The following DCPS variants were observed in gnomAD, a reference collection of about 807,000 sequenced individuals.
DCPS encodes the protein decapping enzyme, scavenger.
DCPS carries 27 observed loss-of-function variants against 34.7 expected under a neutral mutation model. That is an observed-to-expected ratio of 0.78 (90% CI 0.57 to 1.07). The LOEUF is 1.07. Ranked by LOEUF, DCPS falls within the 50% of genes least tolerant of loss-of-function variation. The pLI, the probability that DCPS is intolerant of heterozygous loss-of-function variation, is 0.00. For synonymous variants in DCPS, 185 were observed against 185.7 expected, an observed-to-expected ratio of 1.00 and a Z score of 0.03; for missense variants, 464 against 436.9, an observed-to-expected ratio of 1.06 and a Z score of -0.55.
rs1951855921 is a variant in DCPS at position 126,338,933 on chromosome 11, T to C, written c.636+534T>C. Among the ~76,000 whole-genome samples, 2 of 152,334 alleles carry C rather than the reference T, an allele frequency of 1.3e-5. No homozygotes were observed. The highest frequency in any genetic ancestry group is 3.4e-3 in the Middle Eastern group (1 of 294). On this transcript the variant is annotated intron_variant, in intron 4 of 5. Transcript: ENST00000263579. This position sits in a 1 kb window ranked among gnomAD's most constrained non-coding sequence, Gnocchi z 5.4. ...TGCCTCCAAGCACCTCTGCTTCTCC[T>C]ACTTTCCTAAGGAGCAGGTTTGGGA...
rs1212220451 is a variant in DCPS, at chr11:126,347,803, C to T, written c.*2190C>T. ...CCCTGCGTCTCAGTTGTGCCCATTCCAGGTCCAGGGGAAAGAAGTGACCCG... is the reference window on the plus strand; with the variant it reads ...CCCTGCGTCTCAGTTGTGCCCATTCTAGGTCCAGGGGAAAGAAGTGACCCG... On this transcript the variant is annotated 3_prime_UTR_variant, in exon 6 of 6. Transcript: ENST00000263579. This position sits in a 1 kb window ranked among gnomAD's most constrained non-coding sequence, Gnocchi z 4.2. Among the ~76,000 whole-genome samples, 1 of 152,200 alleles carries T rather than the reference C, an allele frequency of 6.6e-6. No homozygotes were observed. Among genetic ancestry groups the T allele is most frequent in the African/African-American group, 2.4e-5 (1 of 41,460 alleles).
At chr11:126,306,508 T>A in intron 1 of DCPS, 62 bp from the exon 2 acceptor site, 1 of 1,464,946 alleles carries the variant, frequency 6.8e-7, no homozygotes, top group Non-Finnish European at 9.1e-7. Flanking sequence ...GCTTCTGTCT[T>A]GCTCTCCAGA....
rs148042649 is a variant in DCPS, at chr11:126,306,698, T to G, written c.330T>G (p.Asn110Lys). ...GSPELQLQFS[N>K]DIYSTYHLFP... ...CTGAGCTCCAGTTGCAGTTCTCCAA[T>G]GATATCTACAGCACCTATCACTTGT... is the stretch of plus-strand genomic sequence containing the variant. The change falls in exon 2 of 6, where the codon AAT becomes AAG. Residue 110 changes from asparagine to lysine, a missense_variant. Physicochemically the swap from Asn to Lys is moderately conservative, Grantham distance 94. Coordinates refer to ENST00000263579, the MANE Select transcript of DCPS (RefSeq NM_014026.6). The G allele has an allele frequency of 1.2e-6, 2 of 1,613,530 alleles. No individual in the cohort carries two copies. The highest frequency in any genetic ancestry group is 1.7e-6 in the Non-Finnish European group (2 of 1,179,520).
At chr11:126,307,152 G>A (rs898455116) in intron 2 of DCPS, among the ~76,000 whole-genome samples, 4 of 151,862 alleles carry the variant, frequency 2.6e-5, no homozygotes, top group Admixed American at 6.6e-5. Context: ...GGCCAACATG[G>A]TGAAACCTCA....
Position 126,304,342 on chromosome 11 carries a change from G to A in DCPS, c.201+61G>A. 27 of 1,594,564 alleles carry A rather than the reference G, an allele frequency of 1.7e-5. No individual in the cohort carries two copies. In the South Asian group the frequency reaches 2.8e-4, roughly 17 times the overall value. On this transcript the variant is annotated intron_variant, in intron 1 of 5. Coordinates refer to ENST00000263579, the MANE Select transcript of DCPS (RefSeq NM_014026.6). ...GCAGTGAACCAATCATCGCCTCGGA[G>A]GCAGATTTTTTTTTTTCGGATCTCG...
At position 126,315,345 on chromosome 11, in the gene DCPS, A is replaced by G. The variant is rs550781825; in HGVS notation, c.376+8601A>G. ...GAGGCCGAGGCAGGTGGATCATTTGAGGTCAGGAGTTCGAGACCAGCCTGG... is the reference window on the plus strand; with the variant it reads ...GAGGCCGAGGCAGGTGGATCATTTGGGGTCAGGAGTTCGAGACCAGCCTGG... On this transcript the variant is annotated intron_variant, in intron 2 of 5. Coordinates refer to ENST00000263579, the MANE Select transcript of DCPS (RefSeq NM_014026.6). The surrounding 1 kb of genome is among the most constrained non-coding windows in gnomAD (Gnocchi z 6.1). Among the ~76,000 whole-genome samples the G allele has an allele frequency of 4.9e-4, 75 of 152,198 alleles. No individual in the cohort carries two copies. Among genetic ancestry groups the G allele is most frequent in the African/African-American group, 1.8e-3 (73 of 41,452 alleles).
chr11:126,340,482 C>T (rs924411195), intron 4 of DCPS, among the ~76,000 whole-genome samples: 1 of 152,176 alleles, frequency 6.6e-6, no homozygotes, highest in Admixed American at 6.5e-5. Context: ...CCACCGCGCC[C>T]GACCTTAATT....
rs1436680088 is a variant in DCPS, at chr11:126,334,331, T to G, written c.522+2781T>G. On this transcript the variant is annotated intron_variant, in intron 3 of 5. Transcript: ENST00000263579. The surrounding 1 kb of genome is among the most constrained non-coding windows in gnomAD (Gnocchi z 5.5). Reference sequence around the variant, plus strand: ...GCATTTATGCGCATCACACCTCATTTATTTATTTATTTATTATTTATTTAT... The same window carrying G: ...GCATTTATGCGCATCACACCTCATTGATTTATTTATTTATTATTTATTTAT... Among the ~76,000 whole-genome samples, 1 of 152,000 alleles carries G rather than the reference T, an allele frequency of 6.6e-6. No homozygotes were observed. The highest frequency in any genetic ancestry group is 1.5e-5 in the Non-Finnish European group (1 of 67,960).
chr11:126,314,860 G>T (rs141642683), intron 2 of DCPS, among the ~76,000 whole-genome samples: 1 of 152,052 alleles, frequency 6.6e-6, no homozygotes, highest in Non-Finnish European at 1.5e-5. Context: ...AGGGATAAAA[G>T]GTTATACATT....
In DCPS at chr11:126,306,720, T is replaced by C. The variant is rs776782460; in HGVS notation, c.352T>C (p.Leu118=). Residue 118 remains leucine, a synonymous_variant, in exon 2 of 6, where the codon TTG becomes CTG. Transcript: ENST00000263579. ...CAATGATATCTACAGCACCTATCAC[T>C]TGTTCCCTCCAAGACAACTGAATGG... ...FSNDIYSTYH[L]FPPRQLNDVK... 1.2e-5 allele frequency: 19 copies of C among 1,601,756 alleles called. No individual in the cohort carries two copies. The highest frequency in any genetic ancestry group is 1.5e-5 in the Non-Finnish European group (18 of 1,169,762).
At position 126,313,710 on chromosome 11, in the gene DCPS, G is replaced by T. The variant is rs1951635800; in HGVS notation, c.376+6966G>T. ...AATGATTAACCCCCAAATCAGGGAG[G>T]TGATTATCCTTGGTCGGGGTGTGGC... On this transcript the variant is annotated intron_variant, in intron 2 of 5. Coordinates refer to ENST00000263579, the MANE Select transcript of DCPS (RefSeq NM_014026.6). This position sits in a 1 kb window ranked among gnomAD's most constrained non-coding sequence, Gnocchi z 4.9. Among the ~76,000 whole-genome samples the T allele has an allele frequency of 6.6e-6, 1 of 152,210 alleles. No individual in the cohort carries two copies. Among genetic ancestry groups the T allele is most frequent in the African/African-American group, 2.4e-5 (1 of 41,446 alleles).
rs1414164711 is a variant in DCPS at position 126,344,416 on chromosome 11, A to G, written c.748-931A>G. On this transcript the variant is annotated intron_variant, in intron 5 of 5. Transcript: ENST00000263579. The surrounding 1 kb of genome is among the most constrained non-coding windows in gnomAD (Gnocchi z 8.1). Reference sequence around the variant, plus strand: ...CTTTCTCTTGGGGAGATGCCAGGCCAACACTTTGACCTGCCCTAGCAGCTC... The same window carrying G: ...CTTTCTCTTGGGGAGATGCCAGGCCGACACTTTGACCTGCCCTAGCAGCTC... Among the ~76,000 whole-genome samples, 1 of 152,194 alleles carries G rather than the reference A, an allele frequency of 6.6e-6. No individual in the cohort carries two copies. Among genetic ancestry groups the G allele is most frequent in the African/African-American group, 2.4e-5 (1 of 41,452 alleles).
intron 4 of DCPS, among the ~76,000 whole-genome samples, chr11:126,343,013 T>C (rs1231153630): frequency 7.1e-6 from 1 of 141,498 alleles, no homozygotes; most frequent in Non-Finnish European, 1.5e-5. Flanking sequence ...GAGGTTGCAG[T>C]GAGCCAAGAT....
Position 126,336,138 on chromosome 11 carries a change from C to T in DCPS, c.523-2148C>T, listed in dbSNP as rs901968829. Among the ~76,000 whole-genome samples, 10 of 145,784 alleles carry T rather than the reference C, an allele frequency of 6.9e-5. No individual in the cohort carries two copies. Among genetic ancestry groups the T allele is most frequent in the Non-Finnish European group, 1.1e-4 (7 of 66,464 alleles). ...CTCAAAAAAAAAAAAAAAAAAATGG[C>T]GACAATGATAGCAGCCACCTCTCAG... is the stretch of plus-strand genomic sequence containing the variant. On this transcript the variant is annotated intron_variant, in intron 3 of 5. Coordinates refer to ENST00000263579, the MANE Select transcript of DCPS (RefSeq NM_014026.6). This position sits in a 1 kb window ranked among gnomAD's most constrained non-coding sequence, Gnocchi z 6.3.
At position 126,331,280 on chromosome 11, in the gene DCPS, C is replaced by G; in HGVS notation, c.377-125C>G. 1 of 1,410,704 alleles carries G rather than the reference C, an allele frequency of 7.1e-7. No homozygotes were observed. Among genetic ancestry groups the G allele is most frequent in the Non-Finnish European group, 9.6e-7 (1 of 1,036,476 alleles). The allele number at this position is 1,410,704 out of a possible 1,614,324, so 87.4% of individuals were successfully genotyped here. A position where few individuals can be genotyped will look rare whatever the true frequency, so the allele number is the denominator to read the frequency against. On this transcript the variant is annotated intron_variant, in intron 2 of 5. Transcript: ENST00000263579. The surrounding 1 kb of genome is among the most constrained non-coding windows in gnomAD (Gnocchi z 7.2). The stretch of plus-strand genomic sequence containing the variant: ...TGGGAGTGGATCTTGGGTGCATGAT[C>G]CTCTTGGATTTTGGCTTCCCTCAGG...
At chr11:126,307,530 C>T (rs1951581849) in intron 2 of DCPS, among the ~76,000 whole-genome samples, 1 of 151,916 alleles carries the variant, frequency 6.6e-6, no homozygotes, top group South Asian at 2.1e-4. Context: ...CCTGCCTCAG[C>T]CTCCCGAGCA....
In DCPS at chr11:126,322,796, G is replaced by T. The variant is rs1360817026; in HGVS notation, c.377-8609G>T. 6.6e-6 allele frequency among the ~76,000 whole-genome samples: 1 copy of T among 152,094 alleles called. No homozygotes were observed. The highest frequency in any genetic ancestry group is 2.4e-5 in the African/African-American group (1 of 41,418). On this transcript the variant is annotated intron_variant, in intron 2 of 5. Transcript: ENST00000263579. This position sits in a 1 kb window ranked among gnomAD's most constrained non-coding sequence, Gnocchi z 4.2. ...TTTAGTAGAGACGGGGTTTCACCAT[G>T]TTGGCCAGTCTATCCTAAAATTCTT...
rs1416603532 is a variant in DCPS at position 126,312,575 on chromosome 11, G to C, written c.376+5831G>C. Among the ~76,000 whole-genome samples the C allele has an allele frequency of 6.6e-6, 1 of 151,962 alleles. No homozygotes were observed. The highest frequency in any genetic ancestry group is 1.5e-5 in the Non-Finnish European group (1 of 68,004). On this transcript the variant is annotated intron_variant, in intron 2 of 5. Transcript: ENST00000263579. The surrounding 1 kb of genome is among the most constrained non-coding windows in gnomAD (Gnocchi z 5.1). ...AGGCTGGTCTCAAACTCCTGATCTC[G>C]GGTGATCCGCCCGCTTTGGCTGCTC...
In DCPS at chr11:126,348,024, TC is replaced by T. The variant is rs1285922427; in HGVS notation, c.*2413del. 6.6e-6 allele frequency among the ~76,000 whole-genome samples: 1 copy of T among 151,188 alleles called. No individual in the cohort carries two copies. Among genetic ancestry groups the T allele is most frequent in the Non-Finnish European group, 1.5e-5 (1 of 67,908 alleles). ...CACGGGCTCCCGCTGACCTTGCCGT[TC>T]CTTCCCCTCATCTCGTAGCGCCTGG... On this transcript the variant is annotated 3_prime_UTR_variant, in exon 6 of 6. Coordinates refer to ENST00000263579, the MANE Select transcript of DCPS (RefSeq NM_014026.6). This position sits in a 1 kb window ranked among gnomAD's most constrained non-coding sequence, Gnocchi z 5.3.
Sources: gnomAD v4.1 joint callset for allele counts (sites outside exome capture counted in the v4.1 genomes callset) on GRCh38, gnomAD v4.1.1 for gene constraint, Gnocchi (gnomAD v3.1) non-coding constraint, MANE v1.5 for transcripts, NCBI Gene and HGNC (gene_info 2026-07-23, HGNC 2026-07-21) for gene names.